Variants in CCDC66 observed in about 807,000 individuals in gnomAD.
CCDC66 encodes the protein coiled-coil domain-containing protein 66.
A neutral mutation model predicts 128.3 loss-of-function variants in CCDC66; 133 were observed. The ratio of observed to expected loss-of-function variants is 1.04; its 90% CI spans 0.90 to 1.20. CCDC66 has a LOEUF of 1.20. Ranked by LOEUF, CCDC66 falls within the 50% of genes most tolerant of loss-of-function variation. The pLI, the probability that CCDC66 is intolerant of heterozygous loss-of-function variation, is 0.00. For missense variants in CCDC66, 1,126 were observed against 1,075.5 expected (o/e 1.05, Z -0.66); for synonymous variants, 387 against 357.0 (o/e 1.08, Z -0.95).
intron 7 of CCDC66, among the ~76,000 whole-genome samples, chr3:56,581,011 A>G (rs988618647): frequency 3.3e-5 from 5 of 151,956 alleles, no homozygotes; most frequent in Middle Eastern, 6.8e-3. Context: ...GTGTTTTCCA[A>G]CTTGGTTCCA....
rs3064563 is a variant in CCDC66 at position 56,597,777 on chromosome 3, GTTT to G, written c.1404+3762_1404+3764del. ...TGTGGAGTCTAGGTTTTGTTTTGGG[GTTT>G]TTTTTTTTTTTTGAGACAGAGCCTC... On this transcript the variant is annotated intron_variant, in intron 10 of 17. Coordinates refer to ENST00000394672, the MANE Select transcript of CCDC66 (RefSeq NM_001141947.3). 4.5e-3 allele frequency among the ~76,000 whole-genome samples: 398 copies of G among 87,968 alleles called. 26 individuals are homozygous for G. The highest frequency in any genetic ancestry group is 0.016 in the African/African-American group (385 of 23,818). The allele number at this position is 87,968 out of a possible 152,430, so 57.7% of individuals were successfully genotyped here.
chr3:56,595,949 C>T (rs1046616710), intron 10 of CCDC66, among the ~76,000 whole-genome samples: 2 of 152,194 alleles, frequency 1.3e-5, no homozygotes, highest in Non-Finnish European at 2.9e-5. Context: ...GGGTCTTGCT[C>T]TGCTGCGCAG....
At position 56,559,458 on chromosome 3, in the gene CCDC66, GATA is replaced by G. The variant is rs1476540516; in HGVS notation, c.77-108_77-106del. 3.1e-5 allele frequency: 21 copies of G among 672,790 alleles called. No individual in the cohort carries two copies. In the African/African-American group the frequency reaches 4.0e-4, roughly 13 times the overall value. The allele number at this position is 672,790 out of a possible 1,614,324, so 41.7% of individuals were successfully genotyped here. On this transcript the variant is annotated intron_variant, in intron 2 of 17. Coordinates refer to ENST00000394672, the MANE Select transcript of CCDC66 (RefSeq NM_001141947.3). ...AAGATCTAAAGTTTATGCTTTCGAG[GATA>G]ATGTTGCTAGCTTAAAATCTTATAA...
intron 17 of CCDC66, chr3:56,620,433 T>C (rs192287472): frequency 6.5e-6 from 1 of 152,884 alleles, no homozygotes; most frequent in East Asian, 1.9e-4. Context: ...CCTTACACCT[T>C]TGCTCCATCC....
chr3:56,599,110 G>C (rs939859900), intron 10 of CCDC66, among the ~76,000 whole-genome samples: 1 of 151,890 alleles, frequency 6.6e-6, no homozygotes, highest in Admixed American at 6.6e-5. Flanking sequence ...TTACTGGTCT[G>C]TTCAGGTTTT....
intron 7 of CCDC66, among the ~76,000 whole-genome samples, chr3:56,591,081 C>G (rs948852392): frequency 6.6e-6 from 1 of 152,128 alleles, no homozygotes; most frequent in Non-Finnish European, 1.5e-5. Context: ...ATTCTTCTAA[C>G]TGAATGCACA....
intron 6 of CCDC66, among the ~76,000 whole-genome samples, chr3:56,568,502 A>T (rs1430401442): frequency 6.6e-6 from 1 of 152,234 alleles, no homozygotes; most frequent in East Asian, 1.9e-4. Flanking sequence ...TGGTTTCATA[A>T]TGCCTTAGGT....
At position 56,563,619 on chromosome 3, in the gene CCDC66, A is replaced by C. The variant is rs2065419879; in HGVS notation, c.103-65A>C. 6 of 1,278,010 alleles carry C rather than the reference A, an allele frequency of 4.7e-6. 1 individual carries two copies. In the South Asian group the frequency reaches 9.2e-5, roughly 20 times the overall value. The allele number at this position is 1,278,010 out of a possible 1,614,324, so 79.2% of individuals were successfully genotyped here. On this transcript the variant is annotated intron_variant, in intron 3 of 17. Coordinates refer to ENST00000394672, the MANE Select transcript of CCDC66 (RefSeq NM_001141947.3). ...TTAGAGGACTGATTTATCACAGATCATATAAAGATAATTGGTGATTTTTCT... is the reference window on the plus strand; with the variant it reads ...TTAGAGGACTGATTTATCACAGATCCTATAAAGATAATTGGTGATTTTTCT...
chr3:56,572,289 A>G, intron 7 of CCDC66: 1 of 1,121,800 alleles, frequency 8.9e-7, no homozygotes, highest in Non-Finnish European at 1.2e-6. Flanking sequence ...AATTTTGGGT[A>G]AAGAAACAGT....
intron 7 of CCDC66, 27 bp from the exon 8 acceptor site, chr3:56,592,943 T>C (rs376803372): frequency 3.1e-6 from 5 of 1,597,788 alleles, no homozygotes; most frequent in African/African-American, 1.4e-5. Context: ...AACTGAACTT[T>C]AGATGGCTTT....
chr3:56,579,421 T>G (rs1201908943), intron 7 of CCDC66, among the ~76,000 whole-genome samples: 2 of 151,360 alleles, frequency 1.3e-5, no homozygotes, highest in African/African-American at 4.8e-5. Flanking sequence ...CAGTTCTGCT[T>G]TGATCTTAGT....
intron 10 of CCDC66, among the ~76,000 whole-genome samples, chr3:56,598,462 ATGGTGAAAG>A (rs1338000744): frequency 5.3e-5 from 8 of 151,806 alleles, no homozygotes; most frequent in Non-Finnish European, 8.8e-5. Flanking sequence ...TTGAATAAGA[ATGGTGAAAG>A]TGGGCATCCT....
rs139392168 is a variant in CCDC66, at chr3:56,619,381, G to T, written c.2489G>T (p.Gly830Val). ...TATGAGAGAGAGAATTTGATCTCAGGAAGTAATCAAACAGAATTATCATCT... is the reference window on the plus strand; with the variant it reads ...TATGAGAGAGAGAATTTGATCTCAGTAAGTAATCAAACAGAATTATCATCT... ...SSYERENLISGSNQTELSSGI... is the reference protein window; with the variant it reads ...SSYERENLISVSNQTELSSGI... The change falls in exon 16 of 18, where the codon GGA becomes GTA. Residue 830 changes from glycine to valine, a missense_variant. Coordinates refer to ENST00000394672, the MANE Select transcript of CCDC66 (RefSeq NM_001141947.3). The T allele has an allele frequency of 1.7e-5, 28 of 1,613,662 alleles. No individual in the cohort carries two copies. In the African/African-American group the frequency reaches 3.2e-4, roughly 18 times the overall value.
intron 6 of CCDC66, 52 bp downstream of exon 6, chr3:56,567,105 A>T: frequency 1.4e-6 from 2 of 1,421,270 alleles, no homozygotes; most frequent in African/African-American, 1.4e-5. Flanking sequence ...AAGAATATGT[A>T]TTGAAGCCGG....
intron 7 of CCDC66, among the ~76,000 whole-genome samples, chr3:56,581,857 T>G (rs2068443869): frequency 6.6e-6 from 1 of 151,788 alleles, no homozygotes; most frequent in African/African-American, 2.4e-5. Context: ...GGCTACTCGG[T>G]GGTTAGGGAC....
At chr3:56,560,123 G>A (rs755017332) in intron 3 of CCDC66, among the ~76,000 whole-genome samples, 6 of 152,162 alleles carry the variant, frequency 3.9e-5, no homozygotes, top group Admixed American at 1.3e-4. Context: ...CATGCATTTA[G>A]CATTTTCCTT....
rs972176742 is a variant in CCDC66, at chr3:56,565,510, C to T, written c.545-1084C>T. On this transcript the variant is annotated intron_variant, in intron 4 of 17. Coordinates refer to ENST00000394672, the MANE Select transcript of CCDC66 (RefSeq NM_001141947.3). ...GTTTCACCGTGTTAGCCAGGATGAT[C>T]TCAGTCTCCTGACCTCATGATCCGC... Among the ~76,000 whole-genome samples, 34 of 150,224 alleles carry T rather than the reference C, an allele frequency of 2.3e-4. No homozygotes were observed. In the East Asian group the frequency reaches 4.3e-3, roughly 19 times the overall value.
chr3:56,616,193 C>T (rs2075484478), intron 13 of CCDC66, 140 bp downstream of exon 13: 1 of 694,950 alleles, frequency 1.4e-6, no homozygotes, highest in Admixed American at 3.0e-5. Context: ...AAAGGGATAA[C>T]AGCTTTGTTG....
In CCDC66 at chr3:56,565,874, G is replaced by T. The variant is rs185745227; in HGVS notation, c.545-720G>T. ...GTAGAGACGGGGTTTCACCGTGTTC[G>T]CCAGGATGGTCTCGATCTCCTGACC... On this transcript the variant is annotated intron_variant, in intron 4 of 17. Coordinates refer to ENST00000394672, the MANE Select transcript of CCDC66 (RefSeq NM_001141947.3). Among the ~76,000 whole-genome samples the T allele has an allele frequency of 3.9e-5, 6 of 152,080 alleles. No individual in the cohort carries two copies. In the East Asian group the frequency reaches 1.2e-3, roughly 30 times the overall value.
Sources: allele counts gnomAD v4.1 joint callset (sites outside exome capture counted in the v4.1 genomes callset), GRCh38; gene constraint gnomAD v4.1.1; transcripts MANE v1.5; gene names NCBI Gene and HGNC (gene_info 2026-07-23, HGNC 2026-07-21).